NBEA: variants seen among roughly 807,000 people sequenced by gnomAD.
NBEA encodes lysosomal-trafficking regulator 2.
In NBEA, 44 loss-of-function variants were observed where a neutral mutation model predicts 343.4. The observed-to-expected ratio is 0.13, with a 90% CI of 0.10 to 0.16. The LOEUF (loss-of-function observed/expected upper bound fraction) is 0.16. Ranked by LOEUF, NBEA falls within the 10% of genes least tolerant of loss-of-function variation. NBEA has a pLI of 1.00. For missense variants in NBEA, 2,555 were observed against 3,631.3 expected, an observed-to-expected ratio of 0.70 and a Z score of 7.62; for synonymous variants, 1,175 against 1,238.7, an observed-to-expected ratio of 0.95 and a Z score of 1.08.
intron 1 of NBEA, among the ~76,000 whole-genome samples, chr13:34,999,408 A>G (rs1417431649): frequency 6.6e-6 from 1 of 152,000 alleles, no homozygotes; most frequent in Non-Finnish European, 1.5e-5. Context: ...CCCTTACCTG[A>G]AATCTAAGTG....
At chr13:35,052,239 T>C (rs2063088813) in intron 6 of NBEA, among the ~76,000 whole-genome samples, 1 of 152,062 alleles carries the variant, frequency 6.6e-6, no homozygotes, top group African/African-American at 2.4e-5. Flanking sequence ...AGCTAAGTTG[T>C]TGTTATCCTT....
At position 35,234,553 on chromosome 13, in the gene NBEA, C is replaced by A. The variant is rs533325259; in HGVS notation, c.5776+1934C>A. ...ATATGTGCTATAATGAAAGTATATA[C>A]AAAGGTACAGTGGGAAATGAGACTA... On this transcript the variant is annotated intron_variant, in intron 34 of 58. Transcript: ENST00000379939. Among the ~76,000 whole-genome samples, 16 of 152,158 alleles carry A rather than the reference C, an allele frequency of 1.1e-4. 1 individual carries two copies. Among genetic ancestry groups the A allele is most frequent in the African/African-American group, 3.4e-4 (14 of 41,508 alleles).
intron 1 of NBEA, among the ~76,000 whole-genome samples, chr13:35,010,312 C>T (rs547818516): frequency 6.6e-6 from 1 of 152,118 alleles, no homozygotes; most frequent in Non-Finnish European, 1.5e-5. Context: ...AGATGGGGCT[C>T]ATGCTTATAA....
chr13:35,111,508 A>G (rs1454442888), intron 13 of NBEA, among the ~76,000 whole-genome samples: 1 of 152,046 alleles, frequency 6.6e-6, no homozygotes, highest in Non-Finnish European at 1.5e-5. Flanking sequence ...AATTACTGAT[A>G]TGATTTTGGC....
intron 47 of NBEA, among the ~76,000 whole-genome samples, chr13:35,602,011 A>G (rs2082077898): frequency 1.3e-5 from 2 of 152,108 alleles, no homozygotes; most frequent in South Asian, 4.1e-4. Context: ...AGATTAAGAA[A>G]ATATATGTAA....
intron 1 of NBEA, among the ~76,000 whole-genome samples, chr13:34,993,449 A>G (rs2060831446): frequency 6.6e-6 from 1 of 152,204 alleles, no homozygotes; most frequent in African/African-American, 2.4e-5. Flanking sequence ...AGACCTTTGC[A>G]TATAGTAGAT....
At chr13:35,231,630 C>T (rs1242891346) in intron 33 of NBEA, among the ~76,000 whole-genome samples, 3 of 152,086 alleles carry the variant, frequency 2.0e-5, no homozygotes, top group Non-Finnish European at 2.9e-5. Flanking sequence ...TCACTGTGTG[C>T]TGGGTGCTTT....
chr13:35,643,485 T>C (rs1462213322), intron 49 of NBEA, among the ~76,000 whole-genome samples: 1 of 152,252 alleles, frequency 6.6e-6, no homozygotes, highest in East Asian at 1.9e-4. Flanking sequence ...GAAGTGCTTT[T>C]CTTTTTCTAG....
At chr13:35,515,731 C>G (rs1347588340) in intron 41 of NBEA, among the ~76,000 whole-genome samples, 1 of 143,154 alleles carries the variant, frequency 7.0e-6, no homozygotes, top group Non-Finnish European at 1.5e-5. Flanking sequence ...AGTACATTTC[C>G]CTTTCATGTA....
chr13:35,628,132 A>G lies in NBEA; in HGVS notation c.7501A>G (p.Ile2501Val), dbSNP rs11538677. ...SCQLHQWIDLIFGYKQRGPEA... is the reference protein window; with the variant it reads ...SCQLHQWIDLVFGYKQRGPEA... ...CCAACTTCATCAGTGGATCGACCTT[A>G]TATTTGGCTATAAGCAGCGAGGACC... Residue 2501 changes from isoleucine to valine, a missense_variant, in exon 49 of 59, where the codon ATA (isoleucine) becomes GTA (valine). Ile to Val is a conservative substitution (Grantham distance 29). Around this residue, in one of 21 missense-constraint regions of NBEA, gnomAD observed 11 missense variants for 33.2 expected, o/e 0.33. Coordinates refer to ENST00000379939, the MANE Select transcript of NBEA (RefSeq NM_001385012.1). 147,024 of 1,612,824 alleles carry G rather than the reference A, an allele frequency of 0.091. 7,792 individuals carry two copies. The highest frequency in any genetic ancestry group is 0.11 in the Non-Finnish European group (127,274 of 1,179,156).
At chr13:35,176,278 A>G (rs1245093494) in intron 27 of NBEA, among the ~76,000 whole-genome samples, 2 of 152,050 alleles carry the variant, frequency 1.3e-5, no homozygotes, top group African/African-American at 4.8e-5. Context: ...TTTCATTGTT[A>G]GAGTAACAAC....
At chr13:35,096,198 ATT>A (rs1214190798) in intron 10 of NBEA, among the ~76,000 whole-genome samples, 9 of 138,912 alleles carry the variant, frequency 6.5e-5, no homozygotes, top group African/African-American at 1.1e-4. Flanking sequence ...TATTGTAAAG[ATT>A]TTTTTTTTTT....
chr13:35,393,120 A>G (rs1487894393), intron 38 of NBEA, among the ~76,000 whole-genome samples: 1 of 152,170 alleles, frequency 6.6e-6, no homozygotes, highest in East Asian at 1.9e-4. Flanking sequence ...GTATTTAATC[A>G]ATATAATTTG....
chr13:35,189,000 A>T (rs1312289090), intron 30 of NBEA, among the ~76,000 whole-genome samples: 4 of 149,450 alleles, frequency 2.7e-5, no homozygotes, highest in African/African-American at 9.9e-5. Context: ...GCTCACTGCA[A>T]CCTCCACCTC....
intron 40 of NBEA, among the ~76,000 whole-genome samples, chr13:35,455,239 A>G (rs1288411852): frequency 6.6e-6 from 1 of 152,116 alleles, no homozygotes; most frequent in African/African-American, 2.4e-5. Flanking sequence ...AGGCATAGAG[A>G]TAAGCAGATA....
intron 53 of NBEA, among the ~76,000 whole-genome samples, chr13:35,653,945 T>A (rs549445874): frequency 6.6e-6 from 1 of 152,356 alleles, no homozygotes; most frequent in Admixed American, 6.5e-5. Flanking sequence ...CTGACTTTTG[T>A]GTATAATATT....
chr13:34,982,336 C>T (rs2060384804), intron 1 of NBEA, among the ~76,000 whole-genome samples: 1 of 151,868 alleles, frequency 6.6e-6, no homozygotes, highest in Admixed American at 6.6e-5. Context: ...CTCTCTGTTG[C>T]CCAGGCTGGG....
intron 41 of NBEA, among the ~76,000 whole-genome samples, chr13:35,533,148 A>C (rs1357256907): frequency 6.6e-6 from 1 of 152,186 alleles, no homozygotes. Flanking sequence ...CAGTAAGCTC[A>C]GTATTAGCAA....
intron 45 of NBEA, among the ~76,000 whole-genome samples, chr13:35,573,170 A>T (rs1358640741): frequency 6.6e-6 from 1 of 152,216 alleles, no homozygotes; most frequent in Non-Finnish European, 1.5e-5. Flanking sequence ...GTGCTGAGGG[A>T]CAAGGTATTG....
Sources: allele counts gnomAD v4.1 joint callset (sites outside exome capture counted in the v4.1 genomes callset), GRCh38; gene constraint gnomAD v4.1.1; regional missense constraint gnomAD v4.1.1; transcripts MANE v1.5; gene names NCBI Gene and HGNC (gene_info 2026-07-23, HGNC 2026-07-21).